Variants in CHN2 observed in about 807,000 individuals in gnomAD.
CHN2 encodes chimerin 2.
A neutral mutation model predicts 56.3 loss-of-function variants in CHN2; 35 were observed. The observed-to-expected ratio is 0.62, with a 90% CI of 0.47 to 0.82. The LOEUF is 0.82. CHN2 is among the 40% of genes least tolerant of loss of function. The pLI, the probability that CHN2 is intolerant of heterozygous loss-of-function variation, is 0.00. For missense variants in CHN2, 491 were observed against 580.5 expected (o/e 0.85, Z 1.58); for synonymous variants, 210 against 212.8 (o/e 0.99, Z 0.12).
At chr7:29,474,993 T>C (rs912575971) in intron 6 of CHN2, among the ~76,000 whole-genome samples, 1 of 151,874 alleles carries the variant, frequency 6.6e-6, no homozygotes, top group African/African-American at 2.4e-5. Flanking sequence ...GTGAGAGGGG[T>C]ATTTGTCTTT....
chr7:29,258,178 T>C (rs1789233238), intron 1 of CHN2, among the ~76,000 whole-genome samples: 1 of 152,116 alleles, frequency 6.6e-6, no homozygotes, highest in African/African-American at 2.4e-5. Flanking sequence ...AACTATGTAA[T>C]TGTCATCCAA....
At chr7:29,224,844 C>T (rs192447142) in intron 1 of CHN2, among the ~76,000 whole-genome samples, 1 of 152,290 alleles carries the variant, frequency 6.6e-6, no homozygotes, top group East Asian at 1.9e-4. Context: ...CAGAGCCCAG[C>T]ATAGTGCTGT....
intron 1 of CHN2, chr7:29,213,229 T>C (rs1045919390): frequency 1.8e-6 from 2 of 1,096,216 alleles, no homozygotes; most frequent in Non-Finnish European, 2.8e-6. Context: ...TGAGTGAAAT[T>C]GATATTACTC....
upstream of CHN2, chr7:29,193,216 G>C (rs1328136434): frequency 6.6e-6 from 1 of 152,054 alleles, no homozygotes; most frequent in Non-Finnish European, 1.5e-5. Flanking sequence ...TTTAAAAAAT[G>C]GACCTTAATG....
chr7:29,472,442 G>C (rs1000395846), intron 6 of CHN2, among the ~76,000 whole-genome samples: 1 of 151,016 alleles, frequency 6.6e-6, no homozygotes, highest in Non-Finnish European at 1.5e-5. Flanking sequence ...AGGGCTGTAC[G>C]AATGGCTGCA....
chr7:29,398,232 T>C, intron 4 of CHN2, 141 bp from the exon 5 acceptor site: 1 of 593,554 alleles, frequency 1.7e-6, no homozygotes, highest in Non-Finnish European at 3.0e-6. Flanking sequence ...TCACTTAAGA[T>C]GGGCAGTAGT....
At chr7:29,371,770 T>C (rs975875465) in intron 3 of CHN2, among the ~76,000 whole-genome samples, 1 of 152,162 alleles carries the variant, frequency 6.6e-6, no homozygotes. Context: ...TTCAGAAACC[T>C]GTACTTCTCC....
rs1342154009 is a variant in CHN2 at position 29,458,048 on chromosome 7, A to G, written c.577-22231A>G. ...CTCTTTTTAAAAACAGCTTTCATGC[A>G]TTATAGTCATAAATCCTTGTTAACT... On this transcript the variant is annotated intron_variant, in intron 6 of 12. Coordinates refer to ENST00000222792, the MANE Select transcript of CHN2 (RefSeq NM_004067.4). 2.6e-5 allele frequency among the ~76,000 whole-genome samples: 4 copies of G among 152,378 alleles called. No individual in the cohort carries two copies. In the South Asian group the frequency reaches 6.2e-4, roughly 24 times the overall value.
At chr7:29,292,671 C>T (rs1179771363) in intron 1 of CHN2, among the ~76,000 whole-genome samples, 4 of 152,298 alleles carry the variant, frequency 2.6e-5, no homozygotes, top group Middle Eastern at 3.4e-3. Flanking sequence ...TCAGTAAAAG[C>T]GACTGAAATG....
intron 1 of CHN2, among the ~76,000 whole-genome samples, chr7:29,211,187 C>T (rs551325321): frequency 1.2e-3 from 189 of 152,012 alleles, no homozygotes; most frequent in African/African-American, 4.4e-3. Context: ...TCTCCTGCCT[C>T]AGCCTCCTGA....
chr7:29,251,345 T>C (rs531750021), intron 1 of CHN2, among the ~76,000 whole-genome samples: 1 of 152,018 alleles, frequency 6.6e-6, no homozygotes, highest in East Asian at 1.9e-4. Context: ...TCCCACCTAC[T>C]TAGGAGGCTG....
intron 3 of CHN2, among the ~76,000 whole-genome samples, chr7:29,373,956 A>G (rs10234855): frequency 0.019 from 2,912 of 152,284 alleles, 95 homozygotes; most frequent in African/African-American, 0.065. Flanking sequence ...GGGAACGTGA[A>G]AACTCTACTG....
chr7:29,386,160 T>A (rs772955458), intron 3 of CHN2, among the ~76,000 whole-genome samples: 1 of 152,242 alleles, frequency 6.6e-6, no homozygotes, highest in Non-Finnish European at 1.5e-5. Context: ...TTTTAGAGTC[T>A]GCTCAATTTT....
chr7:29,491,713 C>A (rs1788688244), intron 7 of CHN2, among the ~76,000 whole-genome samples: 2 of 152,176 alleles, frequency 1.3e-5, no homozygotes, highest in South Asian at 4.1e-4. Context: ...GCCATATATT[C>A]TTTTTGATTA....
At chr7:29,464,125 CAT>C (rs1785381319) in intron 6 of CHN2, among the ~76,000 whole-genome samples, 2 of 152,204 alleles carry the variant, frequency 1.3e-5, no homozygotes, top group Admixed American at 1.3e-4. Flanking sequence ...TTATTTAAAG[CAT>C]AGTTACGATT....
intron 1 of CHN2, among the ~76,000 whole-genome samples, chr7:29,322,734 T>C (rs112985578): frequency 0.021 from 3,158 of 152,290 alleles, 108 homozygotes; most frequent in African/African-American, 0.07. Context: ...AGGTCAACAC[T>C]ATTCCTAGTC....
intron 1 of CHN2, among the ~76,000 whole-genome samples, chr7:29,273,369 A>ATATG (rs1562882033): frequency 2.1e-5 from 1 of 48,602 alleles, no homozygotes; most frequent in Non-Finnish European, 3.7e-5. Flanking sequence ...ATATATATAT[A>ATATG]TATATATATA....
At chr7:29,286,624 G>T (rs557404656) in intron 1 of CHN2, among the ~76,000 whole-genome samples, 1 of 152,298 alleles carries the variant, frequency 6.6e-6, no homozygotes, top group African/African-American at 2.4e-5. Flanking sequence ...GACTTGCTTT[G>T]TAAAGTGGGG....
intron 1 of CHN2, among the ~76,000 whole-genome samples, chr7:29,288,608 A>T (rs1792341117): frequency 6.7e-6 from 1 of 148,322 alleles, no homozygotes; most frequent in African/African-American, 2.7e-5. Flanking sequence ...TGGCCATTTC[A>T]GCTGAGAATA....
Sources: gnomAD v4.1 joint callset for allele counts (sites outside exome capture counted in the v4.1 genomes callset) on GRCh38, gnomAD v4.1.1 for gene constraint, MANE v1.5 for transcripts, NCBI Gene and HGNC (gene_info 2026-07-23, HGNC 2026-07-21) for gene names.